Variants in TPRG1 observed in about 807,000 individuals in gnomAD.
TPRG1 encodes the protein tumor protein p63 regulated 1.
In TPRG1, 29 loss-of-function variants were observed where a neutral mutation model predicts 29.3. That is an observed-to-expected ratio of 0.99 (90% CI 0.74 to 1.35). The LOEUF (loss-of-function observed/expected upper bound fraction) is 1.35. TPRG1 is among the 40% of genes most tolerant of loss of function. The pLI, the probability that TPRG1 is intolerant of heterozygous loss-of-function variation, is 0.00. For missense variants in TPRG1, 327 were observed against 335.0 expected (o/e 0.98, Z 0.19); for synonymous variants, 130 against 116.8 (o/e 1.11, Z -0.73).
intron 3 of TPRG1, among the ~76,000 whole-genome samples, chr3:189,231,183 A>G (rs1738580124): frequency 6.6e-6 from 1 of 151,946 alleles, no homozygotes. Flanking sequence ...GCAGTATAAT[A>G]AAAATACAAC....
At chr3:188,998,699 T>G (rs1035199015) in intron 1 of TPRG1, among the ~76,000 whole-genome samples, 1 of 152,220 alleles carries the variant, frequency 6.6e-6, no homozygotes, top group African/African-American at 2.4e-5. Flanking sequence ...GAGTTCATTT[T>G]GTTAAGTGAT....
intron 3 of TPRG1, among the ~76,000 whole-genome samples, chr3:189,143,785 G>T (rs934494767): frequency 2.0e-5 from 3 of 152,156 alleles, no homozygotes; most frequent in Admixed American, 2.0e-4. Context: ...GTGAGATTTG[G>T]ATTCTGGTCT....
At chr3:189,090,797 T>G (rs1718288382) in intron 4 of TPRG1, among the ~76,000 whole-genome samples, 1 of 152,112 alleles carries the variant, frequency 6.6e-6, no homozygotes, top group African/African-American at 2.4e-5. Context: ...AACTTATTGC[T>G]AAGCTTTATT....
At chr3:189,197,249 A>AT (rs777329087) in intron 1 of TPRG1, among the ~76,000 whole-genome samples, 3 of 152,164 alleles carry the variant, frequency 2.0e-5, no homozygotes, top group East Asian at 3.9e-4. Context: ...GCATTGGTTG[A>AT]TTTTTTTTAT....
chr3:189,035,245 T>C (rs1714186694), intron 4 of TPRG1, among the ~76,000 whole-genome samples: 1 of 152,166 alleles, frequency 6.6e-6, no homozygotes. Context: ...TGCGGAAGAT[T>C]GAAACTGAAC....
intron 3 of TPRG1, among the ~76,000 whole-genome samples, chr3:189,142,700 G>T (rs936114613): frequency 6.6e-6 from 1 of 152,174 alleles, no homozygotes; most frequent in Non-Finnish European, 1.5e-5. Context: ...TCACCCAAAG[G>T]TGTGAAGGAT....
intron 3 of TPRG1, among the ~76,000 whole-genome samples, chr3:189,231,596 T>C (rs949890280): frequency 6.6e-6 from 1 of 152,164 alleles, no homozygotes; most frequent in African/African-American, 2.4e-5. Context: ...AACAGTCCTA[T>C]GAGGAATACA....
At chr3:189,186,719 A>G (rs983807244) in intron 1 of TPRG1, among the ~76,000 whole-genome samples, 2 of 151,518 alleles carry the variant, frequency 1.3e-5, no homozygotes, top group African/African-American at 4.9e-5. Context: ...GAAAATTGAG[A>G]TGGGGGCAAG....
At chr3:189,112,373 A>C (rs1720636113) in intron 1 of TPRG1, among the ~76,000 whole-genome samples, 1 of 152,156 alleles carries the variant, frequency 6.6e-6, no homozygotes, top group Admixed American at 6.5e-5. Context: ...GAATCTCTTT[A>C]GTTTAATTAG....
At chr3:189,200,107 C>G (rs1307293785) in intron 1 of TPRG1, among the ~76,000 whole-genome samples, 1 of 152,174 alleles carries the variant, frequency 6.6e-6, no homozygotes, top group African/African-American at 2.4e-5. Context: ...GCCCTCTTTC[C>G]ATCTGCTGCT....
intron 1 of TPRG1, among the ~76,000 whole-genome samples, chr3:189,200,123 G>A (rs778442169): frequency 3.3e-5 from 5 of 152,150 alleles, no homozygotes; most frequent in East Asian, 1.9e-4. Flanking sequence ...CTGCTGAGTC[G>A]AAGCACTTTA....
intron 5 of TPRG1, among the ~76,000 whole-genome samples, chr3:189,151,433 A>G (rs1028433249): frequency 1.3e-5 from 2 of 152,110 alleles, no homozygotes; most frequent in Admixed American, 6.5e-5. Flanking sequence ...AGCTAAAACC[A>G]TGCTATAGCA....
intron 1 of TPRG1, among the ~76,000 whole-genome samples, chr3:189,109,377 C>G (rs1720223989): frequency 6.6e-6 from 1 of 152,134 alleles, no homozygotes; most frequent in Non-Finnish European, 1.5e-5. Flanking sequence ...CTGGAGTTAC[C>G]AGATGTAATC....
intron 3 of TPRG1, among the ~76,000 whole-genome samples, chr3:189,221,053 T>C (rs1410069766): frequency 1.3e-5 from 2 of 152,224 alleles, no homozygotes; most frequent in African/African-American, 2.4e-5. Context: ...ATGTAAGGGT[T>C]TATTATGATT....
intron 4 of TPRG1, among the ~76,000 whole-genome samples, chr3:189,091,627 T>C (rs1387075594): frequency 1.3e-5 from 2 of 152,192 alleles, no homozygotes; most frequent in African/African-American, 4.8e-5. Context: ...CTGTATTATC[T>C]GGAGTTATTT....
chr3:189,230,909 C>A (rs975915842), intron 3 of TPRG1, among the ~76,000 whole-genome samples: 2 of 152,258 alleles, frequency 1.3e-5, no homozygotes, highest in Non-Finnish European at 2.9e-5. Context: ...CTATTAATAT[C>A]ATCCTGAGCT....
At chr3:189,140,163 G>C (rs873389) in intron 3 of TPRG1, among the ~76,000 whole-genome samples, 36,973 of 152,074 alleles carry the variant, frequency 0.24, 5,552 homozygotes, top group African/African-American at 0.43. Context: ...AGCTTCACCA[G>C]ATACACTTGA....
chr3:189,098,445 C>T (rs145825371), upstream of TPRG1, among the ~76,000 whole-genome samples: 8 of 152,230 alleles, frequency 5.3e-5, no homozygotes, highest in African/African-American at 1.9e-4. Context: ...CCATGGGTCT[C>T]ACATTTTTCC....
intron 1 of TPRG1, among the ~76,000 whole-genome samples, chr3:189,203,086 C>G (rs1321182248): frequency 6.6e-6 from 1 of 152,074 alleles, no homozygotes; most frequent in Non-Finnish European, 1.5e-5. Flanking sequence ...AAAAGTTGAA[C>G]TAAACAATAA....
Sources: gnomAD v4.1 joint callset for allele counts (sites outside exome capture counted in the v4.1 genomes callset) on GRCh38, gnomAD v4.1.1 for gene constraint, MANE v1.5 for transcripts, NCBI Gene and HGNC (gene_info 2026-07-23, HGNC 2026-07-21) for gene names.